SEPTIN9: variants seen among roughly 807,000 people sequenced by gnomAD.
SEPTIN9 encodes septin 9.
SEPTIN9 carries 13 observed loss-of-function variants against 56.6 expected under a neutral mutation model. That is an observed-to-expected ratio of 0.23 (90% CI 0.15 to 0.37). The LOEUF is 0.37. Ranked by LOEUF, SEPTIN9 falls within the 10% of genes least tolerant of loss-of-function variation. The pLI, the probability that SEPTIN9 is intolerant of heterozygous loss-of-function variation, is 1.00. For missense variants in SEPTIN9, 650 were observed against 823.1 expected, an observed-to-expected ratio of 0.79 and a Z score of 2.57; for synonymous variants, 332 against 334.1, an observed-to-expected ratio of 0.99 and a Z score of 0.07.
intron 2 of SEPTIN9, among the ~76,000 whole-genome samples, chr17:77,335,909 G>A (rs11870820): frequency 0.53 from 31,992 of 59,962 alleles, 3,053 homozygotes; most frequent in Middle Eastern, 0.61. Flanking sequence ...TGTAGGCCCC[G>A]TGTTGACTGT....
rs564952095 is a variant in SEPTIN9 at position 77,327,833 on chromosome 17, T to C, written c.76+20636T>C. 1.8e-4 allele frequency among the ~76,000 whole-genome samples: 27 copies of C among 152,272 alleles called. No homozygotes were observed. The highest frequency in any genetic ancestry group is 3.7e-4 in the Non-Finnish European group (25 of 68,006). On this transcript the variant is annotated intron_variant, in intron 2 of 11. Coordinates refer to ENST00000427177, the MANE Select transcript of SEPTIN9 (RefSeq NM_001113491.2). The surrounding 1 kb of genome is among the most constrained non-coding windows in gnomAD (Gnocchi z 5.0). ...AGGCACTGGCTCTGAAACTTTGCCATGAAAGCTTGAAAATGCTCTTTGGAC... is the reference window on the plus strand; with the variant it reads ...AGGCACTGGCTCTGAAACTTTGCCACGAAAGCTTGAAAATGCTCTTTGGAC...
Position 77,319,750 on chromosome 17 carries a change from C to A in SEPTIN9, c.76+12553C>A. 9.3e-7 allele frequency: 1 copy of A among 1,071,212 alleles called. No individual in the cohort carries two copies. Among genetic ancestry groups the A allele is most frequent in the Non-Finnish European group, 1.1e-6 (1 of 882,322 alleles). The allele number at this position is 1,071,212 out of a possible 1,614,324, so 66.4% of individuals were successfully genotyped here. On this transcript the variant is annotated intron_variant, in intron 2 of 11. Coordinates refer to ENST00000427177, the MANE Select transcript of SEPTIN9 (RefSeq NM_001113491.2). The surrounding 1 kb of genome is among the most constrained non-coding windows in gnomAD (Gnocchi z 5.3). ...ACCCTTAAGCCCAAGGAAATCGTAGCATCGCGGGACAGGGAAAATGAAAGA... is the reference window on the plus strand; with the variant it reads ...ACCCTTAAGCCCAAGGAAATCGTAGAATCGCGGGACAGGGAAAATGAAAGA...
intron 3 of SEPTIN9, among the ~76,000 whole-genome samples, chr17:77,480,680 G>C (rs1370161536): frequency 1.3e-5 from 2 of 152,206 alleles, no homozygotes. Context: ...CCACTCCCCT[G>C]TGGCTGCCCC....
Position 77,310,145 on chromosome 17 carries a change from A to AT in SEPTIN9, c.76+2956dup, listed in dbSNP as rs35305391. On this transcript the variant is annotated intron_variant, in intron 2 of 11. Transcript: ENST00000427177. The surrounding 1 kb of genome is among the most constrained non-coding windows in gnomAD (Gnocchi z 4.7). The stretch of plus-strand genomic sequence containing the variant: ...AGGCACCCGCCACCATGTCTGGCTA[A>AT]TTTTTTTTGTATTTTTAGTAGACAC... Among the ~76,000 whole-genome samples the AT allele has an allele frequency of 0.1, 15,290 of 151,824 alleles. 1,539 individuals are homozygous for AT. Among genetic ancestry groups the AT allele is most frequent in the African/African-American group, 0.26 (10,631 of 41,330 alleles).
At chr17:77,332,693 T>C (rs1157766184) in intron 2 of SEPTIN9, among the ~76,000 whole-genome samples, 1 of 152,134 alleles carries the variant, frequency 6.6e-6, no homozygotes, top group Non-Finnish European at 1.5e-5. Flanking sequence ...TGCATCACAG[T>C]CCCCACCTTC....
At position 77,435,727 on chromosome 17, in the gene SEPTIN9, G is replaced by A. The variant is rs1351669220; in HGVS notation, c.721+33024G>A. On this transcript the variant is annotated intron_variant, in intron 3 of 11. Coordinates refer to ENST00000427177, the MANE Select transcript of SEPTIN9 (RefSeq NM_001113491.2). The surrounding 1 kb of genome is among the most constrained non-coding windows in gnomAD (Gnocchi z 4.5). ...TGTTGTCTGTGGCTGCCTTTGGCTG[G>A]CATCTCACCTCCTCCTGGCTGTCCT... 6.6e-6 allele frequency among the ~76,000 whole-genome samples: 1 copy of A among 152,200 alleles called. No homozygotes were observed. Among genetic ancestry groups the A allele is most frequent in the East Asian group, 1.9e-4 (1 of 5,192 alleles).
At chr17:77,290,320 C>T (rs992160314) in intron 1 of SEPTIN9, among the ~76,000 whole-genome samples, 58 of 150,364 alleles carry the variant, frequency 3.9e-4, no homozygotes, top group African/African-American at 1.4e-3. Context: ...TGCAGTGGCG[C>T]GATCTCCGCT....
intron 3 of SEPTIN9, among the ~76,000 whole-genome samples, chr17:77,473,644 A>G (rs1054555002): frequency 6.6e-6 from 1 of 152,216 alleles, no homozygotes; most frequent in African/African-American, 2.4e-5. Context: ...TGGCACACAC[A>G]TGTCCTGTAC....
chr17:77,464,644 A>G (rs987751411), intron 3 of SEPTIN9, among the ~76,000 whole-genome samples: 3 of 148,722 alleles, frequency 2.0e-5, no homozygotes, highest in Non-Finnish European at 4.4e-5. Context: ...TCTGTCGCCC[A>G]GGCTGGAGTG....
intron 2 of SEPTIN9, among the ~76,000 whole-genome samples, chr17:77,316,451 A>C (rs1235009528): frequency 6.6e-6 from 1 of 152,238 alleles, no homozygotes; most frequent in Non-Finnish European, 1.5e-5. Context: ...ATGCTGGGTA[A>C]AACTGAGGGT....
rs1318393487 is a variant in SEPTIN9, at chr17:77,475,480, A to C, written c.722-6664A>C. On this transcript the variant is annotated intron_variant, in intron 3 of 11. Coordinates refer to ENST00000427177, the MANE Select transcript of SEPTIN9 (RefSeq NM_001113491.2). The surrounding 1 kb of genome is among the most constrained non-coding windows in gnomAD (Gnocchi z 4.6). ...TTTAAGAAGCCCCTTTGTGGGGGAC[A>C]GGGAGCATCTGTTAGTTTATAGGAC... 1.9e-6 allele frequency: 3 copies of C among 1,590,072 alleles called. No individual in the cohort carries two copies. The highest frequency in any genetic ancestry group is 2.6e-6 in the Non-Finnish European group (3 of 1,169,178).
At chr17:77,485,342 T>C (rs1003972438) in intron 4 of SEPTIN9, among the ~76,000 whole-genome samples, 19 of 150,986 alleles carry the variant, frequency 1.3e-4, no homozygotes. Flanking sequence ...ATGATGGTGG[T>C]GTTGATGGTG....
At chr17:77,352,364 G>A (rs906868575) in intron 2 of SEPTIN9, among the ~76,000 whole-genome samples, 4 of 151,898 alleles carry the variant, frequency 2.6e-5, no homozygotes, top group Non-Finnish European at 5.9e-5. Flanking sequence ...CCGAGATCGC[G>A]CCATTGCACT....
intron 1 of SEPTIN9, chr17:77,281,761 C>G (rs2031034850): frequency 1.9e-6 from 1 of 520,834 alleles, no homozygotes; most frequent in Non-Finnish European, 3.3e-6. Context: ...TGTCTCCAGC[C>G]CTTGCTCGAG....
chr17:77,413,074 G>A (rs1270250283), intron 3 of SEPTIN9, among the ~76,000 whole-genome samples: 1 of 146,100 alleles, frequency 6.8e-6, no homozygotes, highest in African/African-American at 2.7e-5. Flanking sequence ...AGCTTGGTCT[G>A]GAGCGGGTGG....
intron 1 of SEPTIN9, among the ~76,000 whole-genome samples, chr17:77,301,082 A>C (rs2032032177): frequency 8.6e-6 from 1 of 116,522 alleles, no homozygotes. Context: ...AACCACCCCC[A>C]TCCTAGGCTC....
At chr17:77,397,272 G>A (rs971868523) in intron 2 of SEPTIN9, among the ~76,000 whole-genome samples, 1 of 152,062 alleles carries the variant, frequency 6.6e-6, no homozygotes, top group Non-Finnish European at 1.5e-5. Context: ...TGGCCCAGGC[G>A]CTCCTTGGCT....
In SEPTIN9 at chr17:77,425,541, T is replaced by C. The variant is rs1356219821; in HGVS notation, c.721+22838T>C. Among the ~76,000 whole-genome samples, 3 of 152,172 alleles carry C rather than the reference T, an allele frequency of 2.0e-5. No homozygotes were observed. The highest frequency in any genetic ancestry group is 7.2e-5 in the African/African-American group (3 of 41,446). On this transcript the variant is annotated intron_variant, in intron 3 of 11. Coordinates refer to ENST00000427177, the MANE Select transcript of SEPTIN9 (RefSeq NM_001113491.2). The surrounding 1 kb of genome is among the most constrained non-coding windows in gnomAD (Gnocchi z 4.2). ...TACATGGAAGGAGCTGCAGCTGAGC[T>C]GGCGGGCCTCGCACACCCCCAAGGC...
chr17:77,294,633 T>TG (rs2031723102), intron 1 of SEPTIN9: 1 of 155,702 alleles, frequency 6.4e-6, no homozygotes, highest in African/African-American at 2.4e-5. Context: ...AGTAGGAAAA[T>TG]GGGGGAGATT....
Sources: gnomAD v4.1 joint callset for allele counts (sites outside exome capture counted in the v4.1 genomes callset) on GRCh38, gnomAD v4.1.1 for gene constraint, Gnocchi (gnomAD v3.1) non-coding constraint, MANE v1.5 for transcripts, NCBI Gene and HGNC (gene_info 2026-07-23, HGNC 2026-07-21) for gene names.